GPC5: variants seen among roughly 807,000 people sequenced by gnomAD.
The protein encoded by GPC5 is glypican-5.
GPC5 carries 47 observed loss-of-function variants against 53.9 expected under a neutral mutation model. That is an observed-to-expected ratio of 0.87 (90% CI 0.69 to 1.11). GPC5 has a LOEUF of 1.11. Ranked by LOEUF, GPC5 falls within the 50% of genes most tolerant of loss-of-function variation. GPC5 has a pLI of 0.00. For synonymous variants in GPC5, 286 were observed against 263.3 expected, an observed-to-expected ratio of 1.09 and a Z score of -0.84; for missense variants, 748 against 713.1, an observed-to-expected ratio of 1.05 and a Z score of -0.56.
chr13:92,661,672 T>C (rs1396060057), intron 7 of GPC5, among the ~76,000 whole-genome samples: 3 of 152,236 alleles, frequency 2.0e-5, no homozygotes, highest in African/African-American at 7.2e-5. Context: ...GCTAACATGA[T>C]TATCTCTGGC....
chr13:92,293,422 C>CTTTTTTTTTTTTTTTT (rs748125673), intron 7 of GPC5, among the ~76,000 whole-genome samples: 1 of 77,272 alleles, frequency 1.3e-5, no homozygotes, highest in Non-Finnish European at 2.4e-5. Context: ...TGGTTGGTTT[C>CTTTTTTTTTTTTTTTT]TTTTTTTTTT....
intron 7 of GPC5, among the ~76,000 whole-genome samples, chr13:92,714,221 C>T (rs1228463104): frequency 2.6e-5 from 4 of 152,178 alleles, no homozygotes; most frequent in Admixed American, 1.3e-4. Context: ...TGATCTTTCC[C>T]TCCCATCTGC....
At chr13:92,070,941 G>A (rs2041205875) in intron 6 of GPC5, among the ~76,000 whole-genome samples, 4 of 152,074 alleles carry the variant, frequency 2.6e-5, no homozygotes, top group Admixed American at 2.6e-4. Flanking sequence ...CTTTACAGAT[G>A]AAATGAAATC....
chr13:92,341,029 A>T (rs568142205), intron 7 of GPC5, among the ~76,000 whole-genome samples: 132 of 152,198 alleles, frequency 8.7e-4, no homozygotes, highest in African/African-American at 2.6e-3. Flanking sequence ...CATTTTTTTT[A>T]AAATTTGGTA....
chr13:91,668,454 A>G (rs1272524776), intron 2 of GPC5, among the ~76,000 whole-genome samples: 1 of 152,186 alleles, frequency 6.6e-6, no homozygotes, highest in Non-Finnish European at 1.5e-5. Context: ...TTCTTAACCC[A>G]AATTCTCAAA....
intron 5 of GPC5, among the ~76,000 whole-genome samples, chr13:91,767,841 T>G (rs1436915115): frequency 6.6e-6 from 1 of 152,216 alleles, no homozygotes; most frequent in Non-Finnish European, 1.5e-5. Context: ...CAGAAGTTGT[T>G]ATCTCTTTGG....
At chr13:92,855,149 A>G (rs890310365) in intron 7 of GPC5, among the ~76,000 whole-genome samples, 3 of 152,024 alleles carry the variant, frequency 2.0e-5, no homozygotes, top group African/African-American at 7.2e-5. Context: ...CACAACTCCT[A>G]TCAAACTGTA....
chr13:91,712,686 C>T (rs941859186), intron 3 of GPC5, among the ~76,000 whole-genome samples: 1 of 152,008 alleles, frequency 6.6e-6, no homozygotes, highest in Non-Finnish European at 1.5e-5. Context: ...TCTGACTTTG[C>T]TATTGGCTTT....
In GPC5 at chr13:91,920,924, CTCTTTTTTTTTTT is replaced by C. The variant is rs1443243670; in HGVS notation, c.1401+12869_1401+12881del. ...TTTTTAAATCTCTCTCTCTCTCTCT[CTCTTTTTTTTTTT>C]TTTTTTTTTTTTTTTTTTGAGATAG... On this transcript the variant is annotated intron_variant, in intron 6 of 7. Transcript: ENST00000377067. Among the ~76,000 whole-genome samples the C allele has an allele frequency of 7.4e-3, 438 of 59,582 alleles. 1 individual carries two copies. The highest frequency in any genetic ancestry group is 0.026 in the African/African-American group (382 of 14,644). 39.1% of individuals were successfully genotyped at this position (59,582 alleles called of 152,430 possible). A position where few individuals can be genotyped will look rare whatever the true frequency, so the allele number is the denominator to read the frequency against.
chr13:92,623,958 G>A (rs1236938988), intron 7 of GPC5, among the ~76,000 whole-genome samples: 1 of 151,670 alleles, frequency 6.6e-6, no homozygotes. Flanking sequence ...GGGTTCAAGC[G>A]ATTCTCCTGT....
intron 7 of GPC5, among the ~76,000 whole-genome samples, chr13:92,659,547 G>T (rs1201867183): frequency 6.6e-6 from 1 of 151,856 alleles, no homozygotes; most frequent in Non-Finnish European, 1.5e-5. Context: ...AGATGTGTGT[G>T]TTATATAGAC....
chr13:92,189,411 T>C (rs2042207295), intron 7 of GPC5, among the ~76,000 whole-genome samples: 1 of 152,090 alleles, frequency 6.6e-6, no homozygotes, highest in South Asian at 2.1e-4. Context: ...CCCACCTTAG[T>C]TGGGGACAAT....
chr13:92,671,707 G>A (rs1886757165), intron 7 of GPC5, among the ~76,000 whole-genome samples: 1 of 152,186 alleles, frequency 6.6e-6, no homozygotes, highest in Admixed American at 6.5e-5. Flanking sequence ...GGAAAAATAA[G>A]TAGGTATAAA....
intron 7 of GPC5, chr13:92,449,163 A>G (rs906034706): frequency 3.3e-5 from 5 of 152,120 alleles, no homozygotes; most frequent in Admixed American, 6.5e-5. Context: ...AAGGTTTCCT[A>G]GGTAAAGTGA....
At chr13:91,543,240 G>A (rs938965777) in intron 2 of GPC5, among the ~76,000 whole-genome samples, 2 of 151,812 alleles carry the variant, frequency 1.3e-5, no homozygotes, top group South Asian at 2.1e-4. Context: ...TGATCCATGC[G>A]CCTTGGCCTC....
intron 7 of GPC5, among the ~76,000 whole-genome samples, chr13:92,215,850 G>C (rs1006621844): frequency 6.6e-6 from 1 of 152,156 alleles, no homozygotes; most frequent in Non-Finnish European, 1.5e-5. Flanking sequence ...TGATGGTCTA[G>C]TGTTAGACCC....
At chr13:91,951,770 G>A (rs1295975247) in intron 6 of GPC5, among the ~76,000 whole-genome samples, 2 of 152,104 alleles carry the variant, frequency 1.3e-5, no homozygotes, top group African/African-American at 4.8e-5. Flanking sequence ...ATCAAAATTA[G>A]TTGTAATGGT....
chr13:92,835,136 C>G (rs1878180570), intron 7 of GPC5, among the ~76,000 whole-genome samples: 1 of 151,880 alleles, frequency 6.6e-6, no homozygotes. Context: ...GATTTATTAC[C>G]AAATTATACC....
At chr13:92,860,981 A>G (rs1942092333) in intron 7 of GPC5, among the ~76,000 whole-genome samples, 1 of 152,086 alleles carries the variant, frequency 6.6e-6, no homozygotes, top group Non-Finnish European at 1.5e-5. Context: ...GAAATTAATG[A>G]GAGAGTCTCT....
Sources: allele counts gnomAD v4.1 joint callset (sites outside exome capture counted in the v4.1 genomes callset), GRCh38; gene constraint gnomAD v4.1.1; transcripts MANE v1.5; gene names NCBI Gene and HGNC (gene_info 2026-07-23, HGNC 2026-07-21).